SNTG2: variants seen among roughly 807,000 people sequenced by gnomAD.
SNTG2 encodes syntrophin gamma 2.
SNTG2 carries 74 observed loss-of-function variants against 70.9 expected under a neutral mutation model. The ratio of observed to expected loss-of-function variants is 1.04; its 90% confidence interval spans 0.86 to 1.27. The LOEUF is 1.27. SNTG2 is among the 50% of genes most tolerant of loss of function. The pLI is 0.00. For missense variants in SNTG2, 717 were observed against 690.7 expected (o/e 1.04, Z -0.43); for synonymous variants, 278 against 273.8 (o/e 1.02, Z -0.15).
intron 1 of SNTG2, among the ~76,000 whole-genome samples, chr2:1,066,727 A>G (rs1291146158): frequency 6.6e-6 from 1 of 151,498 alleles, no homozygotes; most frequent in African/African-American, 2.4e-5. Flanking sequence ...ATTTTTTTTT[A>G]TTTTTGCTCA....
At chr2:1,119,808 C>T (rs1009565899) in intron 4 of SNTG2, among the ~76,000 whole-genome samples, 3 of 152,086 alleles carry the variant, frequency 2.0e-5, no homozygotes, top group South Asian at 4.1e-4. Flanking sequence ...TGGCATTGCT[C>T]ATTTCTTATC....
intron 6 of SNTG2, chr2:1,161,342 A>G (rs1263281349): frequency 6.6e-6 from 1 of 150,652 alleles, no homozygotes; most frequent in Non-Finnish European, 1.5e-5. Flanking sequence ...ATTGTGCACA[A>G]AAAAGCTGCT....
chr2:1,089,652 A>G (rs1446415227), intron 2 of SNTG2, among the ~76,000 whole-genome samples: 1 of 152,224 alleles, frequency 6.6e-6, no homozygotes, highest in Admixed American at 6.5e-5. Context: ...TAATAATAAT[A>G]GTTTACATAT....
At position 1,209,087 on chromosome 2, in the gene SNTG2, C is replaced by G; in HGVS notation, c.592-16C>G. 1 of 1,613,370 alleles carries G rather than the reference C, an allele frequency of 6.2e-7. No individual in the cohort carries two copies. The highest frequency in any genetic ancestry group is 8.5e-7 in the Non-Finnish European group (1 of 1,179,686). ...CTCTGCCTCTGTGACGCTTCATTCTCCTTTCTTCTGTACAGGCCCCATCGT... is the reference window on the plus strand; with the variant it reads ...CTCTGCCTCTGTGACGCTTCATTCTGCTTTCTTCTGTACAGGCCCCATCGT... On this transcript the variant is annotated splice_polypyrimidine_tract_variant and intron_variant, in intron 8 of 16. Transcript: ENST00000308624.
chr2:1,260,302 A>C (rs1311959044), intron 13 of SNTG2, among the ~76,000 whole-genome samples: 2 of 152,230 alleles, frequency 1.3e-5, no homozygotes, highest in African/African-American at 4.8e-5. Flanking sequence ...CTGGAATTTC[A>C]GACTGCCTTT....
intron 8 of SNTG2, among the ~76,000 whole-genome samples, chr2:1,208,306 G>A (rs1673791884): frequency 1.3e-5 from 1 of 76,090 alleles, no homozygotes; most frequent in African/African-American, 4.7e-5. Flanking sequence ...AGGCACATCT[G>A]TGTGAGGCAC....
chr2:1,234,675 C>T (rs879756688), intron 9 of SNTG2, among the ~76,000 whole-genome samples: 2 of 152,286 alleles, frequency 1.3e-5, no homozygotes, highest in South Asian at 2.1e-4. Context: ...CGTGCGAGTC[C>T]GTGAGCCTCT....
At chr2:1,019,506 G>A (rs1660036794) in intron 1 of SNTG2, among the ~76,000 whole-genome samples, 1 of 152,124 alleles carries the variant, frequency 6.6e-6, no homozygotes. Flanking sequence ...GGTATCCAAG[G>A]GAAGAAATGG....
intron 9 of SNTG2, among the ~76,000 whole-genome samples, chr2:1,229,945 G>A (rs140474284): frequency 7.2e-5 from 11 of 152,162 alleles, no homozygotes; most frequent in Non-Finnish European, 1.6e-4. Context: ...CGCAAGCGCC[G>A]CACGCAGCCC....
At chr2:983,288 C>CGG (rs1661189914) in intron 1 of SNTG2, among the ~76,000 whole-genome samples, 9 of 76,642 alleles carry the variant, frequency 1.2e-4, no homozygotes, top group Non-Finnish European at 1.8e-4. Flanking sequence ...AGGCTCTCTT[C>CGG]CATAGAAGCT....
At chr2:1,077,160 A>C (rs1192540675) in intron 1 of SNTG2, among the ~76,000 whole-genome samples, 2 of 152,180 alleles carry the variant, frequency 1.3e-5, no homozygotes, top group Non-Finnish European at 2.9e-5. Flanking sequence ...TCTCAGTGCC[A>C]AGTCTGATTG....
intron 1 of SNTG2, among the ~76,000 whole-genome samples, chr2:972,630 T>A (rs1660780150): frequency 6.6e-6 from 1 of 152,116 alleles, no homozygotes; most frequent in African/African-American, 2.4e-5. Flanking sequence ...GGGAAGTGAT[T>A]GGATCGTGGG....
Position 1,104,657 on chromosome 2 carries a change from GC to G in SNTG2, c.325+6250del, listed in dbSNP as rs549470631. ...GTGGGTCCTTTTGTCAGCGTGTGTG[GC>G]CCTGGGGTGCTGGCATTGTGAAAAC... On this transcript the variant is annotated intron_variant, in intron 4 of 16. Coordinates refer to ENST00000308624, the MANE Select transcript of SNTG2 (RefSeq NM_018968.4). 1.4e-3 allele frequency among the ~76,000 whole-genome samples: 220 copies of G among 152,322 alleles called. 2 individuals are homozygous for G. The highest frequency in any genetic ancestry group is 9.7e-4 in the East Asian group (5 of 5,168).
At chr2:1,096,509 A>C (rs4971439) in intron 2 of SNTG2, among the ~76,000 whole-genome samples, 88,112 of 151,954 alleles carry the variant, frequency 0.58, 26,132 homozygotes, top group African/African-American at 0.69. Flanking sequence ...CCCCTGGTAA[A>C]CACGGTTCTA....
chr2:1,201,641 A>G (rs981375460), intron 8 of SNTG2, among the ~76,000 whole-genome samples: 11 of 151,978 alleles, frequency 7.2e-5, no homozygotes, highest in African/African-American at 2.7e-4. Flanking sequence ...ACACAATGAA[A>G]TGATAAATGT....
chr2:1,270,160 TG>T (rs898391249), intron 14 of SNTG2, among the ~76,000 whole-genome samples: 2 of 152,162 alleles, frequency 1.3e-5, no homozygotes, highest in Non-Finnish European at 1.5e-5. Flanking sequence ...AGGCATTTCC[TG>T]AGCTCCACCC....
At chr2:1,251,587 T>C (rs13023997) in intron 12 of SNTG2, among the ~76,000 whole-genome samples, 30,751 of 131,244 alleles carry the variant, frequency 0.23, 4,225 homozygotes, top group African/African-American at 0.43. Flanking sequence ...CACAGGCACA[T>C]ACCACACACA....
At position 1,075,226 on chromosome 2, in the gene SNTG2, C is replaced by G. The variant is rs544774793; in HGVS notation, c.73-8292C>G. On this transcript the variant is annotated intron_variant, in intron 1 of 16. Transcript: ENST00000308624. The stretch of plus-strand genomic sequence containing the variant: ...GGAGAAGTGCTCACTGAGTCCCCAG[C>G]CTGTCCTAGGCACTGTTGGCCTCTT... Among the ~76,000 whole-genome samples, 6 of 152,302 alleles carry G rather than the reference C, an allele frequency of 3.9e-5. No individual in the cohort carries two copies. In the South Asian group the frequency reaches 1.2e-3, roughly 32 times the overall value.
chr2:1,293,505 C>G (rs1340491093), intron 14 of SNTG2, among the ~76,000 whole-genome samples: 1 of 151,450 alleles, frequency 6.6e-6, no homozygotes, highest in Non-Finnish European at 1.5e-5. Context: ...CTATAAGTTT[C>G]CCTTTTGGCC....
Sources: gnomAD v4.1 joint callset for allele counts (sites outside exome capture counted in the v4.1 genomes callset) on GRCh38, gnomAD v4.1.1 for gene constraint, MANE v1.5 for transcripts, NCBI Gene and HGNC (gene_info 2026-07-23, HGNC 2026-07-21) for gene names.